Variants in MMP26 observed in about 807,000 individuals in gnomAD.
The protein encoded by MMP26 is matrix metallopeptidase 26, also known as matrix metalloproteinase-26.
In MMP26, 33 loss-of-function variants were observed where a neutral mutation model predicts 31.0. That is an observed-to-expected ratio of 1.06 (90% CI 0.81 to 1.42). The LOEUF (loss-of-function observed/expected upper bound fraction) is 1.42. Ranked by LOEUF, MMP26 falls within the 40% of genes most tolerant of loss-of-function variation. The pLI, the probability that MMP26 is intolerant of heterozygous loss-of-function variation, is 0.00. For missense variants in MMP26, 347 were observed against 316.1 expected (o/e 1.10, Z -0.74); for synonymous variants, 122 against 114.9 (o/e 1.06, Z -0.40).
intron 2 of MMP26, among the ~76,000 whole-genome samples, chr11:4,789,762 G>A (rs12802647): frequency 0.095 from 14,318 of 151,052 alleles, 848 homozygotes; most frequent in Middle Eastern, 0.15. Flanking sequence ...GGATGGTGTC[G>A]ATCTCCTGAC....
At chr11:4,932,185 T>G (rs1851359330) in intron 2 of MMP26, among the ~76,000 whole-genome samples, 1 of 152,148 alleles carries the variant, frequency 6.6e-6, no homozygotes, top group African/African-American at 2.4e-5. Context: ...CACTGATTCA[T>G]AATTCGCAGT....
intron 2 of MMP26, among the ~76,000 whole-genome samples, chr11:4,819,680 A>C (rs924515667): frequency 8.2e-5 from 12 of 147,238 alleles, no homozygotes; most frequent in African/African-American, 3.0e-4. Flanking sequence ...TGAGCTCAAG[A>C]AATTCTCCTA....
chr11:4,838,747 G>C (rs1310152536), intron 2 of MMP26, among the ~76,000 whole-genome samples: 2 of 152,114 alleles, frequency 1.3e-5, no homozygotes, highest in Non-Finnish European at 2.9e-5. Flanking sequence ...GGCAGGGACA[G>C]AACAAGATGT....
intron 2 of MMP26, among the ~76,000 whole-genome samples, chr11:4,802,392 G>A (rs1187767968): frequency 3.9e-5 from 6 of 152,122 alleles, no homozygotes; most frequent in Admixed American, 3.9e-4. Flanking sequence ...AAAAGTGACT[G>A]GAGGACAATT....
At chr11:4,782,125 T>C (rs1418598997) in intron 2 of MMP26, among the ~76,000 whole-genome samples, 1 of 152,122 alleles carries the variant, frequency 6.6e-6, no homozygotes, top group Non-Finnish European at 1.5e-5. Flanking sequence ...AATATGGAAG[T>C]GACTTTGGAA....
chr11:4,726,212 C>T (rs1052397508), intron 1 of MMP26, among the ~76,000 whole-genome samples: 1 of 152,156 alleles, frequency 6.6e-6, no homozygotes, highest in African/African-American at 2.4e-5. Flanking sequence ...CATGGTGGCT[C>T]ACACCTGTAA....
intron 2 of MMP26, among the ~76,000 whole-genome samples, chr11:4,884,005 CTGG>C (rs1181463136): frequency 6.6e-6 from 1 of 152,150 alleles, no homozygotes; most frequent in Non-Finnish European, 1.5e-5. Flanking sequence ...CACTCCCAAT[CTGG>C]TTTGTTGACC....
chr11:4,980,267 A>G (rs898615128), intron 2 of MMP26, among the ~76,000 whole-genome samples: 3 of 152,054 alleles, frequency 2.0e-5, no homozygotes, highest in Non-Finnish European at 4.4e-5. Context: ...AAAGACACCA[A>G]AGTTTCCAGA....
Position 4,907,805 on chromosome 11 carries a change from C to T in MMP26, c.-144-80263C>T, listed in dbSNP as rs142993597. On this transcript the variant is annotated intron_variant, in intron 2 of 7. Coordinates refer to ENST00000380390, the MANE Select transcript of MMP26 (RefSeq NM_021801.5). ...TAGCAACAGGGTTGCTAAAATGGGA[C>T]TTATTTTAGCCATTAGGAGCATTCT... The T allele has an allele frequency of 8.7e-6, 14 of 1,613,962 alleles. No homozygotes were observed. The East Asian group carries it at 2.9e-4, about 33-fold the overall frequency.
chr11:4,769,512 T>A, intron 2 of MMP26: 7 of 1,613,786 alleles, frequency 4.3e-6, no homozygotes, highest in Non-Finnish European at 5.9e-6. Flanking sequence ...GTGAGAATGG[T>A]AGTGTACCTC....
intron 2 of MMP26, chr11:4,878,156 C>G (rs1001048785): frequency 6.6e-6 from 1 of 152,100 alleles, no homozygotes; most frequent in Non-Finnish European, 1.5e-5. Context: ...TCTTTTGTGT[C>G]TAGCTTCTTA....
chr11:4,748,050 C>T (rs1848401984), intron 1 of MMP26, among the ~76,000 whole-genome samples: 1 of 151,780 alleles, frequency 6.6e-6, no homozygotes, highest in Non-Finnish European at 1.5e-5. Flanking sequence ...AGACAACTAG[C>T]TAGACTAACC....
At chr11:4,872,468 A>G (rs1294268974) in intron 2 of MMP26, among the ~76,000 whole-genome samples, 1 of 152,042 alleles carries the variant, frequency 6.6e-6, no homozygotes, top group African/African-American at 2.4e-5. Context: ...AGTCAGTAAA[A>G]CAAGAACTTT....
At chr11:4,848,962 T>C in intron 2 of MMP26, 1 of 1,614,106 alleles carries the variant, frequency 6.2e-7, no homozygotes, top group Non-Finnish European at 8.5e-7. Flanking sequence ...ATCAGGGCAG[T>C]GACCAATCCA....
At chr11:4,933,471 TAAGA>T (rs1044982290) in intron 2 of MMP26, among the ~76,000 whole-genome samples, 1 of 107,414 alleles carries the variant, frequency 9.3e-6, no homozygotes, top group African/African-American at 3.0e-5. Flanking sequence ...GTAAAATGAT[TAAGA>T]AAGACAGAAA....
intron 1 of MMP26, among the ~76,000 whole-genome samples, chr11:4,716,145 A>G (rs1300962910): frequency 6.6e-6 from 1 of 152,208 alleles, no homozygotes; most frequent in African/African-American, 2.4e-5. Context: ...TCCTACGGCA[A>G]TCTGAGTGAG....
At chr11:4,777,780 C>G (rs2133428769) in intron 2 of MMP26, among the ~76,000 whole-genome samples, 1 of 152,072 alleles carries the variant, frequency 6.6e-6, no homozygotes, top group South Asian at 2.1e-4. Context: ...TAGTTCTTTG[C>G]TTTTTATTGC....
At chr11:4,855,266 C>T (rs1850033712) in intron 2 of MMP26, among the ~76,000 whole-genome samples, 1 of 152,128 alleles carries the variant, frequency 6.6e-6, no homozygotes, top group Non-Finnish European at 1.5e-5. Context: ...TAATAACAAA[C>T]TTCTCTGAGC....
intron 2 of MMP26, chr11:4,803,891 A>G (rs372122970): frequency 3.7e-6 from 6 of 1,612,682 alleles, no homozygotes; most frequent in Non-Finnish European, 5.1e-6. Flanking sequence ...GACACCATGA[A>G]GCAGAAGGGG....
Sources: gnomAD v4.1 joint callset for allele counts (sites outside exome capture counted in the v4.1 genomes callset) on GRCh38, gnomAD v4.1.1 for gene constraint, MANE v1.5 for transcripts, NCBI Gene and HGNC (gene_info 2026-07-23, HGNC 2026-07-21) for gene names.